Variants in TMEM163 observed in about 807,000 individuals in gnomAD.
TMEM163 encodes transmembrane protein 163.
Under a neutral mutation model 29.3 loss-of-function variants are expected in TMEM163, and 17 were observed. The observed-to-expected ratio is 0.58, with a 90% CI of 0.40 to 0.87. The LOEUF (loss-of-function observed/expected upper bound fraction) is 0.87, where lower values mean the gene tolerates loss of function less well. Ranked by LOEUF, TMEM163 falls within the 40% of genes least tolerant of loss-of-function variation. TMEM163 has a pLI of 0.00. For synonymous variants in TMEM163, 157 were observed against 160.6 expected, an observed-to-expected ratio of 0.98 and a Z score of 0.17; for missense variants, 303 against 381.5, an observed-to-expected ratio of 0.79 and a Z score of 1.71.
At chr2:134,662,495 T>C (rs2104859879) in intron 2 of TMEM163, among the ~76,000 whole-genome samples, 1 of 152,240 alleles carries the variant, frequency 6.6e-6, no homozygotes, top group East Asian at 1.9e-4. Flanking sequence ...AATGTTCTGT[T>C]CTTAAGATAA....
intron 2 of TMEM163, among the ~76,000 whole-genome samples, chr2:134,570,009 T>G (rs936886048): frequency 2.6e-5 from 4 of 152,164 alleles, no homozygotes; most frequent in African/African-American, 9.6e-5. Context: ...TCAACCATCA[T>G]GGTATCTCAG....
At chr2:134,565,379 G>T (rs976665109) in intron 2 of TMEM163, among the ~76,000 whole-genome samples, 3 of 152,112 alleles carry the variant, frequency 2.0e-5, no homozygotes, top group Non-Finnish European at 4.4e-5. Flanking sequence ...GCCGAGGCAG[G>T]TGGATCACCT....
intron 5 of TMEM163, chr2:134,466,551 C>A: frequency 4.0e-6 from 1 of 249,002 alleles, no homozygotes; most frequent in Non-Finnish European, 7.9e-6. Context: ...ATGCTAAGAA[C>A]AGCATCTTCT....
At chr2:134,470,801 C>T (rs970311999) in intron 5 of TMEM163, among the ~76,000 whole-genome samples, 5 of 152,228 alleles carry the variant, frequency 3.3e-5, no homozygotes, top group Non-Finnish European at 2.9e-5. Context: ...GCACGTGCTC[C>T]TCTCTCCACA....
intron 2 of TMEM163, among the ~76,000 whole-genome samples, chr2:134,649,215 T>C (rs1044559807): frequency 2.0e-5 from 3 of 152,132 alleles, no homozygotes; most frequent in African/African-American, 7.2e-5. Context: ...AATCAAGGCA[T>C]CAAGAGATAA....
At chr2:134,652,574 A>C (rs1052995242) in intron 2 of TMEM163, among the ~76,000 whole-genome samples, 3 of 114,074 alleles carry the variant, frequency 2.6e-5, no homozygotes, top group African/African-American at 1.3e-4. Context: ...CAGAACTTCC[A>C]ACACTATGTT....
At chr2:134,512,096 T>C (rs2106491205) in intron 4 of TMEM163, among the ~76,000 whole-genome samples, 1 of 152,294 alleles carries the variant, frequency 6.6e-6, no homozygotes. Context: ...TGCTGTGCAT[T>C]AGCTACGAGG....
chr2:134,697,786 T>C (rs934721579), intron 2 of TMEM163, among the ~76,000 whole-genome samples: 5 of 152,168 alleles, frequency 3.3e-5, no homozygotes, highest in African/African-American at 1.2e-4. Flanking sequence ...CATGTTCATT[T>C]ATTTATTTAT....
At chr2:134,531,339 C>T (rs1680412473) in intron 4 of TMEM163, among the ~76,000 whole-genome samples, 1 of 152,132 alleles carries the variant, frequency 6.6e-6, no homozygotes, top group African/African-American at 2.4e-5. Flanking sequence ...TGAGATTTTC[C>T]CCACACACTA....
intron 5 of TMEM163, among the ~76,000 whole-genome samples, chr2:134,495,286 C>A (rs1000383721): frequency 1.3e-5 from 2 of 152,176 alleles, no homozygotes; most frequent in Admixed American, 1.3e-4. Context: ...AGGGAGCTCA[C>A]AGAGTTAAGG....
intron 2 of TMEM163, among the ~76,000 whole-genome samples, chr2:134,674,318 C>G (rs1353159000): frequency 2.0e-5 from 3 of 147,492 alleles, no homozygotes; most frequent in Admixed American, 6.7e-5. Context: ...TGAACGTTGT[C>G]AAAATCAAAA....
chr2:134,496,289 T>C (rs888893475), intron 5 of TMEM163, among the ~76,000 whole-genome samples: 2 of 152,176 alleles, frequency 1.3e-5, no homozygotes, highest in Admixed American at 1.3e-4. Context: ...CTCAAACCCC[T>C]GACCTCAAGT....
chr2:134,701,376 A>G (rs1684700842), intron 2 of TMEM163, among the ~76,000 whole-genome samples: 1 of 152,196 alleles, frequency 6.6e-6, no homozygotes, highest in Non-Finnish European at 1.5e-5. Flanking sequence ...ACCCAATAAA[A>G]CAGAAATTGG....
At chr2:134,575,650 C>T (rs1230275250) in intron 2 of TMEM163, among the ~76,000 whole-genome samples, 1 of 152,248 alleles carries the variant, frequency 6.6e-6, no homozygotes, top group South Asian at 2.1e-4. Context: ...AGCTAAGCAG[C>T]TATGAGGGTC....
chr2:134,698,355 T>A lies in TMEM163; in HGVS notation c.322+14845A>T, dbSNP rs547688927. On this transcript the variant is annotated intron_variant, in intron 2 of 7. Transcript: ENST00000281924. Reference sequence around the variant, plus strand: ...TATGCACTTCATCCAAGTCTTCAAATTTATGGGCATACAATTGTAAATAAT... The same window carrying A: ...TATGCACTTCATCCAAGTCTTCAAAATTATGGGCATACAATTGTAAATAAT... Among the ~76,000 whole-genome samples, 245 of 152,356 alleles carry A rather than the reference T, an allele frequency of 1.6e-3. 3 individuals are homozygous for A. In the South Asian group the frequency reaches 0.017, roughly 10 times the overall value.
At chr2:134,664,701 G>T (rs1683833547) in intron 2 of TMEM163, among the ~76,000 whole-genome samples, 1 of 152,116 alleles carries the variant, frequency 6.6e-6, no homozygotes, top group African/African-American at 2.4e-5. Context: ...CAAGCAGGGG[G>T]ATACAGGCCA....
At chr2:134,506,339 C>T (rs921133895) in intron 4 of TMEM163, among the ~76,000 whole-genome samples, 5 of 152,092 alleles carry the variant, frequency 3.3e-5, no homozygotes, top group African/African-American at 1.2e-4. Context: ...GCGGAGGGCA[C>T]GGTGCTATTT....
intron 4 of TMEM163, among the ~76,000 whole-genome samples, chr2:134,526,457 G>C (rs479297): frequency 0.18 from 26,920 of 152,058 alleles, 2,521 homozygotes; most frequent in South Asian, 0.24. Context: ...ATAAATCGGA[G>C]AAGGTTTCAC....
At chr2:134,656,946 A>G (rs1683633828) in intron 2 of TMEM163, among the ~76,000 whole-genome samples, 1 of 152,212 alleles carries the variant, frequency 6.6e-6, no homozygotes, top group African/African-American at 2.4e-5. Flanking sequence ...AATGAAGCCT[A>G]CTTGATCATG....
Sources: gnomAD v4.1 joint callset for allele counts (sites outside exome capture counted in the v4.1 genomes callset) on GRCh38, gnomAD v4.1.1 for gene constraint, MANE v1.5 for transcripts, NCBI Gene and HGNC (gene_info 2026-07-23, HGNC 2026-07-21) for gene names.